Variants in TAPT1 observed in about 807,000 individuals in gnomAD.
TAPT1 encodes the protein transmembrane anterior posterior transformation 1, also known as transmembrane anterior posterior transformation protein 1 homolog.
A neutral mutation model predicts 65.6 loss-of-function variants in TAPT1; 28 were observed. The ratio of observed to expected loss-of-function variants is 0.43; its 90% CI spans 0.32 to 0.59. The LOEUF is 0.59. TAPT1 is among the 20% of genes least tolerant of loss of function. The pLI is 0.09. For missense variants in TAPT1, 563 were observed against 679.9 expected (o/e 0.83, Z 1.91); for synonymous variants, 278 against 245.2 (o/e 1.13, Z -1.25).
At chr4:16,214,258 T>C (rs1483031070) in intron 1 of TAPT1, among the ~76,000 whole-genome samples, 1 of 152,086 alleles carries the variant, frequency 6.6e-6, no homozygotes, top group East Asian at 1.9e-4. Context: ...AATAGAGCAA[T>C]ATATAGAGTC....
At chr4:16,191,788 T>C (rs1221418718) in intron 3 of TAPT1, among the ~76,000 whole-genome samples, 1 of 152,212 alleles carries the variant, frequency 6.6e-6, no homozygotes, top group Non-Finnish European at 1.5e-5. Flanking sequence ...AGGGCAGGTA[T>C]CTACTGATAG....
At chr4:16,224,834 A>G (rs760131029) in intron 1 of TAPT1, among the ~76,000 whole-genome samples, 34 of 152,234 alleles carry the variant, frequency 2.2e-4, no homozygotes, top group Non-Finnish European at 3.8e-4. Context: ...GTGCTCATCA[A>G]TAGGCTTCAA....
intron 12 of TAPT1, among the ~76,000 whole-genome samples, chr4:16,167,970 A>G (rs972342924): frequency 6.6e-6 from 1 of 152,208 alleles, no homozygotes; most frequent in Non-Finnish European, 1.5e-5. Flanking sequence ...TAGGATACCT[A>G]GATACCTATG....
At chr4:16,191,677 T>G (rs989376543) in intron 3 of TAPT1, among the ~76,000 whole-genome samples, 154 bp from the exon 4 acceptor site, 1 of 152,218 alleles carries the variant, frequency 6.6e-6, no homozygotes, top group African/African-American at 2.4e-5. Flanking sequence ...TTAAACTAAA[T>G]GACTACTCGA....
At chr4:16,214,152 G>C (rs1750798788) in intron 1 of TAPT1, among the ~76,000 whole-genome samples, 2 of 152,212 alleles carry the variant, frequency 1.3e-5, no homozygotes, top group Admixed American at 1.3e-4. Flanking sequence ...AGTCAGAAAA[G>C]TATTTTTCAA....
chr4:16,213,959 T>C, intron 1 of TAPT1, 61 bp from the exon 2 acceptor site: 1 of 1,452,374 alleles, frequency 6.9e-7, no homozygotes, highest in Non-Finnish European at 9.3e-7. Context: ...ACTTCCACGC[T>C]AGCTGGGGCC....
At chr4:16,200,351 T>G (rs1355123681) in intron 3 of TAPT1, among the ~76,000 whole-genome samples, 1 of 152,134 alleles carries the variant, frequency 6.6e-6, no homozygotes, top group Non-Finnish European at 1.5e-5. Flanking sequence ...TGAGACAGGG[T>G]CTCACTCATC....
chr4:16,209,055 C>T (rs1578471689), intron 2 of TAPT1, among the ~76,000 whole-genome samples: 1 of 151,940 alleles, frequency 6.6e-6, no homozygotes. Flanking sequence ...GTAGAGACAG[C>T]GTTTTGCCAC....
intron 2 of TAPT1, among the ~76,000 whole-genome samples, chr4:16,208,271 G>A (rs939361044): frequency 6.6e-6 from 1 of 152,182 alleles, no homozygotes; most frequent in Non-Finnish European, 1.5e-5. Context: ...TCCAGTCCAT[G>A]TTGAATATGA....
intron 13 of TAPT1, among the ~76,000 whole-genome samples, chr4:16,164,756 A>T (rs1002918799): frequency 6.6e-6 from 1 of 152,176 alleles, no homozygotes; most frequent in Non-Finnish European, 1.5e-5. Flanking sequence ...TAATATGCGT[A>T]ACAAGAGAAC....
intron 8 of TAPT1, 197 bp downstream of exon 8, chr4:16,179,380 T>A (rs969414452): frequency 4.5e-6 from 2 of 447,536 alleles, no homozygotes. Context: ...TAGAATCTTA[T>A]GGGACCACCA....
In TAPT1 at chr4:16,173,783, A is replaced by C. The variant is rs1009503302; in HGVS notation, c.1236+421T>G. On this transcript the variant is annotated intron_variant, in intron 11 of 13. Transcript: ENST00000405303. ...TCTTTTATAACTATTTCCTTAGGATAATTCCTAGAAATGAAATGACTGAAT... is the reference window on the plus strand; with the variant it reads ...TCTTTTATAACTATTTCCTTAGGATCATTCCTAGAAATGAAATGACTGAAT... Among the ~76,000 whole-genome samples, 15 of 152,332 alleles carry C rather than the reference A, an allele frequency of 9.8e-5. No individual in the cohort carries two copies. The East Asian group carries it at 2.7e-3, about 27-fold the overall frequency.
At position 16,201,837 on chromosome 4, in the gene TAPT1, C is replaced by T. The variant is rs367924530; in HGVS notation, c.449+625G>A. ...CCCCCTTTTTGCTGATGGGGAAGCA[C>T]ACTTAGAGAAGTCAGGCTGTTGTGC... is the stretch of plus-strand genomic sequence containing the variant. On this transcript the variant is annotated intron_variant, in intron 3 of 13. Coordinates refer to ENST00000405303, the MANE Select transcript of TAPT1 (RefSeq NM_153365.3). Among the ~76,000 whole-genome samples, 81 of 152,274 alleles carry T rather than the reference C, an allele frequency of 5.3e-4. 1 individual carries two copies. The South Asian group carries it at 0.016, about 31-fold the overall frequency.
At chr4:16,168,870 G>A (rs1437271615) in intron 12 of TAPT1, among the ~76,000 whole-genome samples, 2 of 152,158 alleles carry the variant, frequency 1.3e-5, no homozygotes, top group Non-Finnish European at 2.9e-5. Flanking sequence ...GAGCAGTAAC[G>A]GCAGAGGCTG....
chr4:16,226,058 C>T, intron 1 of TAPT1: 1 of 1,014,694 alleles, frequency 9.9e-7, no homozygotes, highest in Non-Finnish European at 1.2e-6. Flanking sequence ...CTCGGGGCTG[C>T]GCGCGCAACC....
At chr4:16,197,599 T>C (rs952881292) in intron 3 of TAPT1, among the ~76,000 whole-genome samples, 4 of 152,240 alleles carry the variant, frequency 2.6e-5, no homozygotes, top group African/African-American at 9.6e-5. Flanking sequence ...AAAGGATGTT[T>C]CGTACCTCTA....
At chr4:16,216,124 C>T (rs534431374) in intron 1 of TAPT1, 3 of 152,292 alleles carry the variant, frequency 2.0e-5, no homozygotes, top group East Asian at 1.9e-4. Flanking sequence ...CCACACTCTC[C>T]GGACAGCAGC....
chr4:16,199,314 T>A (rs1339132478), intron 3 of TAPT1, among the ~76,000 whole-genome samples: 1 of 152,198 alleles, frequency 6.6e-6, no homozygotes, highest in Non-Finnish European at 1.5e-5. Flanking sequence ...GAGTCTTAAA[T>A]GTCATGTGTA....
At chr4:16,209,445 T>C (rs1332465530) in intron 2 of TAPT1, among the ~76,000 whole-genome samples, 5 of 152,194 alleles carry the variant, frequency 3.3e-5, no homozygotes, top group African/African-American at 1.2e-4. Context: ...AAATTAATAA[T>C]TAAGTGTGTA....
Sources: allele counts gnomAD v4.1 joint callset (sites outside exome capture counted in the v4.1 genomes callset), GRCh38; gene constraint gnomAD v4.1.1; transcripts MANE v1.5; gene names NCBI Gene and HGNC (gene_info 2026-07-23, HGNC 2026-07-21).